Variants in TMCO5A observed in about 807,000 individuals in gnomAD.
TMCO5A encodes transmembrane and coiled-coil domain-containing protein 5A.
A neutral mutation model predicts 42.3 loss-of-function variants in TMCO5A; 34 were observed. The ratio of observed to expected loss-of-function variants is 0.80; its 90% CI spans 0.61 to 1.07. The LOEUF (loss-of-function observed/expected upper bound fraction) is 1.07. TMCO5A is among the 50% of genes least tolerant of loss of function. The pLI, the probability that TMCO5A is intolerant of heterozygous loss-of-function variation, is 0.00. For missense variants in TMCO5A, 357 were observed against 327.9 expected (o/e 1.09, Z -0.69); for synonymous variants, 131 against 115.6 (o/e 1.13, Z -0.86).
the TMCO5A span, among the ~76,000 whole-genome samples, chr15:38,037,811 G>A: frequency 6.6e-6 from 1 of 152,090 alleles, no homozygotes; most frequent in Non-Finnish European, 1.5e-5. Flanking sequence ...TTAGAAGTTC[G>A]AGACCAGCCT....
At position 37,936,933 on chromosome 15, in the gene TMCO5A, G is replaced by A; in HGVS notation, c.227G>A (p.Arg76Lys). 6.2e-7 allele frequency: 1 copy of A among 1,612,686 alleles called. No homozygotes were observed. The highest frequency in any genetic ancestry group is 8.5e-7 in the Non-Finnish European group (1 of 1,179,120). ...AACCGCACCACGATGGAAAGGGAAA[G>A]AGCCTTGCAGGAGCTGGAGGAAGAA... ...KENRTTMERE[R>K]ALQELEEETA... The change falls in exon 4 of 12, where the codon AGA (arginine) becomes AAA (lysine). Residue 76 changes from arginine (R) to lysine (K), a missense_variant. Physicochemically the swap from Arg to Lys is conservative, Grantham distance 26 (BLOSUM62 2). Coordinates refer to ENST00000319669, the MANE Select transcript of TMCO5A (RefSeq NM_152453.4).
the TMCO5A span, among the ~76,000 whole-genome samples, chr15:38,002,489 C>T: frequency 6.6e-6 from 1 of 151,656 alleles, no homozygotes; most frequent in Non-Finnish European, 1.5e-5. Flanking sequence ...TAGGTTTGCC[C>T]TTTTGAGACT....
At chr15:37,962,331 A>C (rs1890450425) in intron 11 of TMCO5A, among the ~76,000 whole-genome samples, 1 of 151,978 alleles carries the variant, frequency 6.6e-6, no homozygotes, top group South Asian at 2.1e-4. Context: ...TTTATGTGGC[A>C]TATAACCTTT....
intron 11 of TMCO5A, among the ~76,000 whole-genome samples, chr15:37,966,186 A>G (rs1890550353): frequency 1.3e-5 from 2 of 152,160 alleles, no homozygotes; most frequent in African/African-American, 2.4e-5. Context: ...TATTTGTGAA[A>G]CCTAAAAATC....
the TMCO5A span, among the ~76,000 whole-genome samples, chr15:38,035,699 C>A: frequency 6.6e-6 from 1 of 152,264 alleles, no homozygotes; most frequent in Admixed American, 6.5e-5. Context: ...CCCTTTAGTT[C>A]CTTCTACTAC....
the TMCO5A span, among the ~76,000 whole-genome samples, chr15:37,979,217 T>C: frequency 3.5e-3 from 532 of 152,198 alleles, no homozygotes; most frequent in African/African-American, 0.012. Context: ...TGCTTTTCCG[T>C]AAGGCAGCGG....
At chr15:38,037,943 G>A in the TMCO5A span, among the ~76,000 whole-genome samples, 3 of 151,548 alleles carry the variant, frequency 2.0e-5, no homozygotes, top group South Asian at 6.2e-4. Flanking sequence ...AACCCGGGAG[G>A]CAGAGGTTGC....
the TMCO5A span, among the ~76,000 whole-genome samples, chr15:37,976,855 G>A: frequency 3.7e-5 from 5 of 135,794 alleles, no homozygotes; most frequent in Admixed American, 1.7e-4. Context: ...GCACAATCTC[G>A]GCTCATTACA....
chr15:37,964,532 G>A (rs1041314988), intron 11 of TMCO5A, among the ~76,000 whole-genome samples: 5 of 151,828 alleles, frequency 3.3e-5, no homozygotes, highest in Non-Finnish European at 7.4e-5. Flanking sequence ...TTCTCTCCCT[G>A]TCTGAGTTGG....
chr15:37,963,369 C>T (rs1004056265), intron 11 of TMCO5A, among the ~76,000 whole-genome samples: 1 of 151,926 alleles, frequency 6.6e-6, no homozygotes, highest in Non-Finnish European at 1.5e-5. Context: ...TTTGAAGGTT[C>T]CTTTTGGTGT....
At chr15:37,962,370 G>T (rs547230046) in intron 11 of TMCO5A, among the ~76,000 whole-genome samples, 2 of 152,208 alleles carry the variant, frequency 1.3e-5, no homozygotes, top group South Asian at 2.1e-4. Context: ...AACCATCTCT[G>T]CATCCCTGGT....
At chr15:38,035,080 G>A in the TMCO5A span, among the ~76,000 whole-genome samples, 33 of 152,318 alleles carry the variant, frequency 2.2e-4, no homozygotes, top group Admixed American at 3.3e-4. Context: ...GCAGACTGGA[G>A]TATGGATACA....
the TMCO5A span, among the ~76,000 whole-genome samples, chr15:38,033,976 T>G: frequency 2.6e-5 from 4 of 152,158 alleles, no homozygotes; most frequent in African/African-American, 4.8e-5. Context: ...AAGTAGTTTA[T>G]TAATATAAAG....
chr15:37,965,271 A>T (rs948341625), intron 11 of TMCO5A, among the ~76,000 whole-genome samples: 1 of 152,224 alleles, frequency 6.6e-6, no homozygotes, highest in African/African-American at 2.4e-5. Flanking sequence ...ATCAAAATGG[A>T]TTGAAGTCTT....
At chr15:38,006,332 T>C in the TMCO5A span, among the ~76,000 whole-genome samples, 1 of 152,190 alleles carries the variant, frequency 6.6e-6, no homozygotes. Context: ...TTGCCTGGTA[T>C]GATTCAGAGC....
At chr15:37,981,433 TC>T in the TMCO5A span, among the ~76,000 whole-genome samples, 1 of 152,328 alleles carries the variant, frequency 6.6e-6, no homozygotes, top group South Asian at 2.1e-4. Flanking sequence ...TAACTTTGCT[TC>T]CTTAAAATGA....
chr15:38,004,080 T>C, the TMCO5A span, among the ~76,000 whole-genome samples: 1 of 152,126 alleles, frequency 6.6e-6, no homozygotes, highest in Non-Finnish European at 1.5e-5. Context: ...TGGTTGCTAC[T>C]GCTGATTATT....
At chr15:37,978,705 T>C in the TMCO5A span, among the ~76,000 whole-genome samples, 2 of 152,218 alleles carry the variant, frequency 1.3e-5, no homozygotes, top group African/African-American at 2.4e-5. Context: ...GGCAAGGTTG[T>C]TGTGCTGGGT....
the TMCO5A span, among the ~76,000 whole-genome samples, chr15:38,013,355 C>G: frequency 0.016 from 1 of 64 alleles, no homozygotes; most frequent in South Asian, 0.17. Context: ...GAAGTCCCTC[C>G]CCCCCTCTAG....
Sources: gnomAD v4.1 joint callset for allele counts (sites outside exome capture counted in the v4.1 genomes callset) on GRCh38, gnomAD v4.1.1 for gene constraint, MANE v1.5 for transcripts, NCBI Gene and HGNC (gene_info 2026-07-23, HGNC 2026-07-21) for gene names.